The following DBNL variants were observed in gnomAD, a reference collection of about 807,000 sequenced individuals.
The protein encoded by DBNL is drebrin-like protein.
DBNL carries 35 observed loss-of-function variants against 62.2 expected under a neutral mutation model. The ratio of observed to expected loss-of-function variants is 0.56; its 90% CI spans 0.43 to 0.75. The LOEUF (loss-of-function observed/expected upper bound fraction) is 0.75. Ranked by LOEUF, DBNL falls within the 30% of genes least tolerant of loss-of-function variation. The probability of loss-of-function intolerance (pLI) is 0.00; values close to 1 mark genes in which losing one functional copy is unlikely to be tolerated. For synonymous variants in DBNL, 197 were observed against 218.0 expected (o/e 0.90, Z 0.85); for missense variants, 495 against 578.4 (o/e 0.86, Z 1.48).
In DBNL at chr7:44,067,544, C is replaced by T. The variant is rs2096162287; in HGVS notation, c.*6628C>T. 2 of 152,250 alleles carry T rather than the reference C, an allele frequency of 1.3e-5. No homozygotes were observed. The highest frequency in any genetic ancestry group is 2.9e-5 in the Non-Finnish European group (2 of 68,054). 9.4% of individuals were successfully genotyped at this position (152,250 alleles called of 1,614,324 possible). On this transcript the variant is annotated 3_prime_UTR_variant, in exon 13 of 13. Transcript: ENST00000448521. Reference sequence around the variant, plus strand: ...GGCTGGACTTCGGGGAAGCAAGCCCCTGCTTCTGACCCTTGGCTCCGGCTT... The same window carrying T: ...GGCTGGACTTCGGGGAAGCAAGCCCTTGCTTCTGACCCTTGGCTCCGGCTT...
In DBNL at chr7:44,052,957, G is replaced by A; in HGVS notation, c.327+16G>A. The A allele has an allele frequency of 1.2e-6, 2 of 1,609,314 alleles. No homozygotes were observed. Among genetic ancestry groups the A allele is most frequent in the Middle Eastern group, 1.7e-4 (1 of 6,060 alleles). On this transcript the variant is annotated intron_variant, in intron 4 of 12. Transcript: ENST00000448521. ...CTTCCTGAAGGTAAGGCCAGGTGAG[G>A]CCCGCTTCACTGGGAACAGGCCTCA...
At chr7:44,048,342 A>T (rs1211304705) in intron 1 of DBNL, among the ~76,000 whole-genome samples, 2 of 152,186 alleles carry the variant, frequency 1.3e-5, no homozygotes, top group Non-Finnish European at 2.9e-5. Flanking sequence ...TCCTCCAGGG[A>T]GTTCCCCCCA....
At position 44,063,003 on chromosome 7, in the gene DBNL, T is replaced by G. The variant is rs2096152137; in HGVS notation, c.*2087T>G. ...TTTACACAGCAGACACTATGTGACC[T>G]TTATGGTCCACAGAGCCAGTTCCCC... On this transcript the variant is annotated 3_prime_UTR_variant, in exon 13 of 13. Transcript: ENST00000448521. 10 of 1,506,646 alleles carry G rather than the reference T, an allele frequency of 6.6e-6. No individual in the cohort carries two copies. Among genetic ancestry groups the G allele is most frequent in the Non-Finnish European group, 8.3e-6 (9 of 1,082,634 alleles). The allele number at this position is 1,506,646 out of a possible 1,614,324, so 93.3% of individuals were successfully genotyped here. A position where few individuals can be genotyped will look rare whatever the true frequency, so the allele number is the denominator to read the frequency against.
chr7:44,060,175 G>A lies in DBNL; in HGVS notation c.1153+22G>A. The A allele has an allele frequency of 6.3e-7, 1 of 1,595,536 alleles. No individual in the cohort carries two copies. Among genetic ancestry groups the A allele is most frequent in the East Asian group, 2.3e-5 (1 of 44,306 alleles). Reference sequence around the variant, plus strand: ...GCAGGTAAGGTGCCCTGGCCTGGCTGGCACAGACCACAGGGTCCTGAGGTT... The same window carrying A: ...GCAGGTAAGGTGCCCTGGCCTGGCTAGCACAGACCACAGGGTCCTGAGGTT... On this transcript the variant is annotated intron_variant, in intron 12 of 12. Transcript: ENST00000448521. This position sits in a 1 kb window ranked among gnomAD's most constrained non-coding sequence, Gnocchi z 6.3.
In DBNL at chr7:44,060,886, C is replaced by T. The variant is rs754221345; in HGVS notation, c.1263C>T (p.Phe421=). 1 of 1,614,046 alleles carries T rather than the reference C, an allele frequency of 6.2e-7. No individual in the cohort carries two copies. Among genetic ancestry groups the T allele is most frequent in the Non-Finnish European group, 8.5e-7 (1 of 1,179,974 alleles). ...GGCCGGATGGCCATTTTGGCATGTT[C>T]CCTGCCAACTACGTGGAGCTCATTG... ...GYGPDGHFGM[F]PANYVELIE Residue 421 remains phenylalanine (F), a synonymous_variant, in exon 13 of 13, where the codon TTC becomes TTT. Coordinates refer to ENST00000448521, the MANE Select transcript of DBNL (RefSeq NM_001014436.3). This position sits in a 1 kb window ranked among gnomAD's most constrained non-coding sequence, Gnocchi z 6.3.
In DBNL at chr7:44,064,207, G is replaced by A. The variant is rs763540839; in HGVS notation, c.*3291G>A. 17 of 156,046 alleles carry A rather than the reference G, an allele frequency of 1.1e-4. No homozygotes were observed. The highest frequency in any genetic ancestry group is 2.0e-4 in the Non-Finnish European group (14 of 70,522). 9.7% of individuals were successfully genotyped at this position (156,046 alleles called of 1,614,324 possible). On this transcript the variant is annotated 3_prime_UTR_variant, in exon 13 of 13. Transcript: ENST00000448521. ...AGGCCTTACTGCGCCCATGCATCCC[G>A]GGCCCATTTGTCAGCCCTTGCTCTT...
Position 44,060,777 on chromosome 7 carries a change from C to G in DBNL, c.1154C>G (p.Ala385Gly). The change falls in exon 13 of 13, where the codon GCC becomes GGC. Residue 385 changes from alanine (A) to glycine (G), a missense_variant and splice_region_variant. Coordinates refer to ENST00000448521, the MANE Select transcript of DBNL (RefSeq NM_001014436.3). The surrounding 1 kb of genome is among the most constrained non-coding windows in gnomAD (Gnocchi z 6.3). The stretch of plus-strand genomic sequence containing the variant: ...GCATCTGGGCTCATCCTCTTTGCAG[C>G]CGACGACACAGAGATCTCCTTTGAC... ...CARALYDYQA[A>G]DDTEISFDPE... 1 of 1,613,464 alleles carries G rather than the reference C, an allele frequency of 6.2e-7. No homozygotes were observed.
chr7:44,061,039 C>T lies in DBNL; in HGVS notation c.*123C>T. The T allele has an allele frequency of 2.2e-6, 3 of 1,350,636 alleles. No individual in the cohort carries two copies. The highest frequency in any genetic ancestry group is 3.0e-6 in the Non-Finnish European group (3 of 1,013,022). The allele number at this position is 1,350,636 out of a possible 1,614,324, so 83.7% of individuals were successfully genotyped here. A position where few individuals can be genotyped will look rare whatever the true frequency, so the allele number is the denominator to read the frequency against. Reference sequence around the variant, plus strand: ...AGGACCCCCAGTGAGGATGAGGCCTCAGGGCTCCCTCCGGCTTGGCAGACT... The same window carrying T: ...AGGACCCCCAGTGAGGATGAGGCCTTAGGGCTCCCTCCGGCTTGGCAGACT... On this transcript the variant is annotated 3_prime_UTR_variant, in exon 13 of 13. Coordinates refer to ENST00000448521, the MANE Select transcript of DBNL (RefSeq NM_001014436.3).
In DBNL at chr7:44,069,325, T is replaced by C. The variant is rs901206195; in HGVS notation, c.*8409T>C. 1.3e-5 allele frequency: 2 copies of C among 152,236 alleles called. No individual in the cohort carries two copies. The highest frequency in any genetic ancestry group is 4.8e-5 in the African/African-American group (2 of 41,464). 9.4% of individuals were successfully genotyped at this position (152,236 alleles called of 1,614,324 possible). ...TGATGGAGGCTTCAGTGTATACAGA[T>C]GTAAGACAACTAGAACATGAGGGGA... is the stretch of plus-strand genomic sequence containing the variant. On this transcript the variant is annotated 3_prime_UTR_variant, in exon 13 of 13. Coordinates refer to ENST00000448521, the MANE Select transcript of DBNL (RefSeq NM_001014436.3).
rs1213535274 is a variant in DBNL at position 44,068,032 on chromosome 7, C to T, written c.*7116C>T. 6.6e-6 allele frequency: 1 copy of T among 152,224 alleles called. No homozygotes were observed. The highest frequency in any genetic ancestry group is 2.4e-5 in the African/African-American group (1 of 41,434). 9.4% of individuals were successfully genotyped at this position (152,224 alleles called of 1,614,324 possible). ...ATTTTTCTTTTCTTCTCTACCCCAG[C>T]TCCTGGGCAGTAACATGGAGGTGGC... On this transcript the variant is annotated 3_prime_UTR_variant, in exon 13 of 13. Coordinates refer to ENST00000448521, the MANE Select transcript of DBNL (RefSeq NM_001014436.3).
chr7:44,045,723 C>T (rs1270808994), intron 1 of DBNL, among the ~76,000 whole-genome samples: 1 of 152,250 alleles, frequency 6.6e-6, no homozygotes, highest in Non-Finnish European at 1.5e-5. Context: ...AGTGCTTTCT[C>T]ATCTCCTCTG....
chr7:44,056,979 C>T, intron 5 of DBNL, 76 bp downstream of exon 5: 2 of 1,592,292 alleles, frequency 1.3e-6, no homozygotes, highest in Non-Finnish European at 1.7e-6. Flanking sequence ...ATGCACTTCC[C>T]AGCACCCGGG....
chr7:44,064,988 G>A lies in DBNL; in HGVS notation c.*4072G>A. The stretch of plus-strand genomic sequence containing the variant: ...CTCTCGCAGGTGGGGAGTTCCCCGG[G>A]CTTCAGGCCTGCGTACCGACGCTCC... On this transcript the variant is annotated 3_prime_UTR_variant, in exon 13 of 13. Transcript: ENST00000448521. 3 of 1,606,650 alleles carry A rather than the reference G, an allele frequency of 1.9e-6. No homozygotes were observed. Among genetic ancestry groups the A allele is most frequent in the Non-Finnish European group, 2.5e-6 (3 of 1,179,614 alleles).
Position 44,050,497 on chromosome 7 carries a change from C to T in DBNL, c.139+217C>T, listed in dbSNP as rs192332720. The T allele has an allele frequency of 6.5e-6, 3 of 464,864 alleles. No homozygotes were observed. In the East Asian group the frequency reaches 1.2e-4, roughly 19 times the overall value. The allele number at this position is 464,864 out of a possible 1,614,324, so 28.8% of individuals were successfully genotyped here. On this transcript the variant is annotated intron_variant, in intron 2 of 12. Coordinates refer to ENST00000448521, the MANE Select transcript of DBNL (RefSeq NM_001014436.3). ...GTGCAGGGGAGTGCTTTCTCTTTGT[C>T]TACTTGGGGAGAGCTGAGAGGGAAA...
chr7:44,064,797 A>AGCCCCCGCGCCCGGACGTGGC lies in DBNL; in HGVS notation c.*3881_*3882insGCCCCCGCGCCCGGACGTGGC. Reference sequence around the variant, plus strand: ...GAGAAGCCAGCTGGGGCTGCTGCCCACCCACCCTGCCCAGGCTCCTGAAGG... The same window carrying AGCCCCCGCGCCCGGACGTGGC: ...GAGAAGCCAGCTGGGGCTGCTGCCCAGCCCCCGCGCCCGGACGTGGCCCCACCCTGCCCAGGCTCCTGAAGG... On this transcript the variant is annotated 3_prime_UTR_variant, in exon 13 of 13. Coordinates refer to ENST00000448521, the MANE Select transcript of DBNL (RefSeq NM_001014436.3). 1.6e-6 allele frequency: 1 copy of AGCCCCCGCGCCCGGACGTGGC among 633,308 alleles called. No homozygotes were observed. Among genetic ancestry groups the AGCCCCCGCGCCCGGACGTGGC allele is most frequent in the Non-Finnish European group, 2.8e-6 (1 of 361,386 alleles). The allele number at this position is 633,308 out of a possible 1,614,324, so 39.2% of individuals were successfully genotyped here. A position where few individuals can be genotyped will look rare whatever the true frequency, so the allele number is the denominator to read the frequency against.
intron 1 of DBNL, among the ~76,000 whole-genome samples, chr7:44,045,938 C>CT (rs544178495): frequency 3.2e-4 from 49 of 152,348 alleles, no homozygotes; most frequent in Non-Finnish European, 5.6e-4. Flanking sequence ...AGCACATCTT[C>CT]TGTTTTGGAG....
rs774883572 is a variant in DBNL, at chr7:44,064,829, C to T, written c.*3913C>T. The T allele has an allele frequency of 2.5e-6, 4 of 1,585,352 alleles. No homozygotes were observed. Among genetic ancestry groups the T allele is most frequent in the African/African-American group, 1.3e-5 (1 of 74,324 alleles). Reference sequence around the variant, plus strand: ...CTGCCCAGGCTCCTGAAGGTGGCCTCACCTTCCAGGTGCTTGACAATGCCC... The same window carrying T: ...CTGCCCAGGCTCCTGAAGGTGGCCTTACCTTCCAGGTGCTTGACAATGCCC... On this transcript the variant is annotated 3_prime_UTR_variant, in exon 13 of 13. Coordinates refer to ENST00000448521, the MANE Select transcript of DBNL (RefSeq NM_001014436.3).
rs542646090 is a variant in DBNL, at chr7:44,068,109, G to C, written c.*7193G>C. On this transcript the variant is annotated 3_prime_UTR_variant, in exon 13 of 13. Coordinates refer to ENST00000448521, the MANE Select transcript of DBNL (RefSeq NM_001014436.3). ...AGCTGGGTACGCACTTGAAACCTGA[G>C]AGGGTAACGCTACCCTCTGTCTAGA... is the stretch of plus-strand genomic sequence containing the variant. The C allele has an allele frequency of 6.6e-6, 1 of 152,312 alleles. No homozygotes were observed. The highest frequency in any genetic ancestry group is 2.4e-5 in the African/African-American group (1 of 41,566). 9.4% of individuals were successfully genotyped at this position (152,312 alleles called of 1,614,324 possible).
intron 1 of DBNL, among the ~76,000 whole-genome samples, chr7:44,046,301 G>T (rs1159576873): frequency 1.3e-5 from 2 of 152,140 alleles, no homozygotes; most frequent in African/African-American, 4.8e-5. Context: ...ACTTACCTAG[G>T]AGCTTCCTGG....
Sources: allele counts gnomAD v4.1 joint callset (sites outside exome capture counted in the v4.1 genomes callset), GRCh38; gene constraint gnomAD v4.1.1; non-coding constraint Gnocchi (gnomAD v3.1); transcripts MANE v1.5; gene names NCBI Gene and HGNC (gene_info 2026-07-23, HGNC 2026-07-21).